The following MYO1B variants were observed in gnomAD, a reference collection of about 807,000 sequenced individuals.
MYO1B encodes the protein unconventional myosin-Ib.
MYO1B carries 72 observed loss-of-function variants against 159.7 expected under a neutral mutation model. The ratio of observed to expected loss-of-function variants is 0.45; its 90% CI spans 0.37 to 0.55. MYO1B has a LOEUF of 0.55. Among genes scored for constraint, MYO1B ranks in the 20% least tolerant of loss-of-function variants. The probability of loss-of-function intolerance (pLI) is 0.00; values close to 1 mark genes in which losing one functional copy is unlikely to be tolerated. For synonymous variants in MYO1B, 468 were observed against 473.8 expected, an observed-to-expected ratio of 0.99 and a Z score of 0.16; for missense variants, 1,062 against 1,364.8, an observed-to-expected ratio of 0.78 and a Z score of 3.50.
intron 7 of MYO1B, among the ~76,000 whole-genome samples, chr2:191,355,649 T>G (rs1388407187): frequency 1.3e-5 from 2 of 152,072 alleles, no homozygotes; most frequent in South Asian, 2.1e-4. Flanking sequence ...CACTGAGGAG[T>G]AGAGCCAGAT....
intron 11 of MYO1B, among the ~76,000 whole-genome samples, chr2:191,369,217 G>A (rs1391335626): frequency 2.0e-5 from 3 of 152,088 alleles, no homozygotes; most frequent in Non-Finnish European, 4.4e-5. Context: ...CTCAGTGCAT[G>A]TTTCTCTTAC....
At chr2:191,393,623 C>T (rs1695897578) in intron 20 of MYO1B, among the ~76,000 whole-genome samples, 1 of 152,162 alleles carries the variant, frequency 6.6e-6, no homozygotes, top group Non-Finnish European at 1.5e-5. Flanking sequence ...TATTCTTTGG[C>T]TATTCTTTAT....
chr2:191,342,337 C>T (rs1692275567), intron 5 of MYO1B, among the ~76,000 whole-genome samples: 1 of 152,186 alleles, frequency 6.6e-6, no homozygotes, highest in Non-Finnish European at 1.5e-5. Flanking sequence ...GATTCCTTCC[C>T]ACAAGCCCCA....
At chr2:191,262,841 C>T (rs1404049363) in intron 1 of MYO1B, among the ~76,000 whole-genome samples, 1 of 152,158 alleles carries the variant, frequency 6.6e-6, no homozygotes, top group Non-Finnish European at 1.5e-5. Flanking sequence ...CTTTCATGGT[C>T]GAGTTTCACC....
chr2:191,360,790 G>C, intron 8 of MYO1B, 61 bp downstream of exon 8: 1 of 676,872 alleles, frequency 1.5e-6, no homozygotes, highest in Non-Finnish European at 2.2e-6. Flanking sequence ...GTTGTTGTTG[G>C]AGCTGGGAGT....
At chr2:191,371,338 G>A (rs1451363103) in intron 13 of MYO1B, among the ~76,000 whole-genome samples, 4 of 152,238 alleles carry the variant, frequency 2.6e-5, no homozygotes, top group African/African-American at 9.6e-5. Flanking sequence ...ACCAGACCTT[G>A]CTAGCACATG....
chr2:191,384,105 A>G (rs909851372), intron 15 of MYO1B, among the ~76,000 whole-genome samples: 1 of 152,188 alleles, frequency 6.6e-6, no homozygotes, highest in African/African-American at 2.4e-5. Context: ...ATTATTGGAT[A>G]ATTTCGAGTA....
At chr2:191,411,023 T>C (rs1697220973) in intron 26 of MYO1B, 43 bp from the exon 27 acceptor site, 1 of 1,104,222 alleles carries the variant, frequency 9.1e-7, no homozygotes, top group Non-Finnish European at 1.3e-6. Flanking sequence ...AATAATTTAT[T>C]TATATAAATG....
chr2:191,416,666 T>C (rs184400883), intron 30 of MYO1B, among the ~76,000 whole-genome samples: 1 of 151,902 alleles, frequency 6.6e-6, no homozygotes, highest in African/African-American at 2.4e-5. Context: ...CAAAAAAAAT[T>C]AGCTGGGCGT....
In MYO1B at chr2:191,409,056, T is replaced by C; in HGVS notation, c.2644T>C (p.Phe882Leu). ...FTLQRIVQKY[F>L]LEMKNKMPSL... ...CAACCCAACACAGGTGCAAAAATACTTCTTGGAAATGAAAAATAAGATGCC... is the reference window on the plus strand; with the variant it reads ...CAACCCAACACAGGTGCAAAAATACCTCTTGGAAATGAAAAATAAGATGCC... The change falls in exon 26 of 31, where the codon TTC becomes CTC. Residue 882 changes from phenylalanine to leucine, a missense_variant. This residue lies in a region of MYO1B where 609 missense variants were observed against 744.4 expected (regional missense o/e 0.82). Coordinates refer to ENST00000392318, the MANE Select transcript of MYO1B (RefSeq NM_001130158.3). The C allele has an allele frequency of 1.1e-5, 17 of 1,609,800 alleles. No individual in the cohort carries two copies. The highest frequency in any genetic ancestry group is 1.4e-5 in the Non-Finnish European group (16 of 1,178,976).
chr2:191,332,809 C>T (rs1691576913), intron 4 of MYO1B, among the ~76,000 whole-genome samples: 1 of 152,130 alleles, frequency 6.6e-6, no homozygotes, highest in African/African-American at 2.4e-5. Flanking sequence ...GAACATGGTA[C>T]AGAGTAGTTC....
At chr2:191,335,184 C>A (rs1437491198) in intron 4 of MYO1B, among the ~76,000 whole-genome samples, 1 of 152,112 alleles carries the variant, frequency 6.6e-6, no homozygotes, top group South Asian at 2.1e-4. Context: ...ATTTTGAATA[C>A]CCACTTAGCT....
intron 15 of MYO1B, among the ~76,000 whole-genome samples, chr2:191,385,247 T>C (rs1695331136): frequency 6.6e-6 from 1 of 152,254 alleles, no homozygotes. Context: ...TTTTCACTTA[T>C]GTTTAACATC....
chr2:191,296,200 A>C lies in MYO1B; in HGVS notation c.225A>C (p.Arg75Ser), dbSNP rs1315564187. Reference sequence around the variant, plus strand: ...AGAAAGTGGAAGAATACAGGAACAGAAATTTTTATGAACTGAGCCCTCACA... The same window carrying C: ...AGAAAGTGGAAGAATACAGGAACAGCAATTTTTATGAACTGAGCCCTCACA... The part of the protein sequence containing the change: ...SPEKVEEYRN[R>S]NFYELSPHIF... Residue 75 changes from arginine (R) to serine (S), a missense_variant, in exon 3 of 31, where the codon AGA becomes AGC. Transcript: ENST00000392318. 4.4e-6 allele frequency: 7 copies of C among 1,609,070 alleles called. No homozygotes were observed. The highest frequency in any genetic ancestry group is 8.5e-7 in the Non-Finnish European group (1 of 1,176,456).
intron 2 of MYO1B, among the ~76,000 whole-genome samples, chr2:191,290,577 T>C (rs1688632726): frequency 6.6e-6 from 1 of 152,208 alleles, no homozygotes. Flanking sequence ...GTACTTTTGG[T>C]TTTGTGAAGT....
rs554889979 is a variant in MYO1B, at chr2:191,315,494, G to A, written c.252-14441G>A. Among the ~76,000 whole-genome samples, 15 of 152,330 alleles carry A rather than the reference G, an allele frequency of 9.8e-5. No homozygotes were observed. The South Asian group carries it at 2.9e-3, about 29-fold the overall frequency. On this transcript the variant is annotated intron_variant, in intron 3 of 30. Transcript: ENST00000392318. ...CATAGAAAATAGATGAGACCCCAGT[G>A]AAAGTTAATACCATGACATCTTCTA...
At chr2:191,307,736 C>T (rs1044113527) in intron 3 of MYO1B, among the ~76,000 whole-genome samples, 6 of 152,150 alleles carry the variant, frequency 3.9e-5, no homozygotes, top group Admixed American at 6.5e-5. Context: ...CAACCCCACA[C>T]GTTTGGGGGT....
chr2:191,289,116 T>G (rs1360753014), intron 2 of MYO1B, among the ~76,000 whole-genome samples: 1 of 152,238 alleles, frequency 6.6e-6, no homozygotes, highest in Non-Finnish European at 1.5e-5. Flanking sequence ...TCTTTTCCTT[T>G]TCTGTTTTGT....
intron 4 of MYO1B, among the ~76,000 whole-genome samples, chr2:191,333,164 T>C (rs1020066404): frequency 2.6e-5 from 4 of 152,234 alleles, no homozygotes; most frequent in African/African-American, 7.2e-5. Flanking sequence ...TCTTTATCTT[T>C]CTCCATTTTT....
Sources: allele counts gnomAD v4.1 joint callset (sites outside exome capture counted in the v4.1 genomes callset), GRCh38; gene constraint gnomAD v4.1.1; regional missense constraint gnomAD v4.1.1; transcripts MANE v1.5; gene names NCBI Gene and HGNC (gene_info 2026-07-23, HGNC 2026-07-21).